B9D1: variants seen among roughly 807,000 people sequenced by gnomAD.
B9D1 encodes the protein B9 domain containing 1.
In B9D1, 20 loss-of-function variants were observed where a neutral mutation model predicts 26.1. The ratio of observed to expected loss-of-function variants is 0.77; its 90% CI spans 0.54 to 1.12. The LOEUF (loss-of-function observed/expected upper bound fraction) is 1.12, where lower values mean the gene tolerates loss of function less well. B9D1 is among the 50% of genes most tolerant of loss of function. The pLI is 0.00. For missense variants in B9D1, 260 were observed against 273.7 expected, an observed-to-expected ratio of 0.95 and a Z score of 0.35; for synonymous variants, 105 against 103.1, an observed-to-expected ratio of 1.02 and a Z score of -0.11.
chr17:19,339,723 C>A (rs1026125453), downstream of B9D1, among the ~76,000 whole-genome samples: 1 of 152,152 alleles, frequency 6.6e-6, no homozygotes, highest in Non-Finnish European at 1.5e-5. Flanking sequence ...CCTTATGATG[C>A]TGCTTTCTTC....
chr17:19,357,793 G>A, intron 3 of B9D1, 47 bp downstream of exon 3: 1 of 1,390,110 alleles, frequency 7.2e-7, no homozygotes, highest in Non-Finnish European at 1.0e-6. Flanking sequence ...TGGGGGTGCT[G>A]TGTGAAAGCT....
upstream of B9D1, among the ~76,000 whole-genome samples, chr17:19,364,953 C>T (rs560685409): frequency 1.8e-3 from 280 of 152,354 alleles, 1 homozygote; most frequent in African/African-American, 6.0e-3. This position sits in a 1 kb window ranked among gnomAD's most constrained non-coding sequence, Gnocchi z 4.3. Context: ...ATGGTGCTGC[C>T]GGGCAGCTGG....
chr17:19,343,826 C>T lies in B9D1; in HGVS notation c.436G>A (p.Asp146Asn), dbSNP rs759829351. ...TCACCCTGAGCCACCACCTTGGGGT[C>T]TGTGTACTCGGGCCGCCGCCCCATG... ...WFMGRRPEYT[D>N]PKVVAQGEGR... Residue 146 changes from aspartate (D) to asparagine (N), a missense_variant, in exon 6 of 7, where the codon GAC becomes AAC. Asp to Asn is a conservative substitution (Grantham distance 23). Coordinates refer to ENST00000261499, the MANE Select transcript of B9D1 (RefSeq NM_015681.6). 6.2e-7 allele frequency: 1 copy of T among 1,614,114 alleles called. No individual in the cohort carries two copies. Among genetic ancestry groups the T allele is most frequent in the East Asian group, 2.2e-5 (1 of 44,880 alleles).
At position 19,354,660 on chromosome 17, in the gene B9D1, T is replaced by C. The variant is rs1254692479; in HGVS notation, c.244+3180A>G. The stretch of plus-strand genomic sequence containing the variant: ...CTGGCCAAAATGGTGAAACCCCATC[T>C]CTACTAAAAATACAAAAATTAGCCA... On this transcript the variant is annotated intron_variant, in intron 3 of 6. Transcript: ENST00000261499. 2.0e-5 allele frequency among the ~76,000 whole-genome samples: 3 copies of C among 152,096 alleles called. No individual in the cohort carries two copies. In the South Asian group the frequency reaches 6.2e-4, roughly 32 times the overall value.
chr17:19,375,498 C>T (rs1912061734), intron 1 of B9D1, among the ~76,000 whole-genome samples: 1 of 152,134 alleles, frequency 6.6e-6, no homozygotes, highest in African/African-American at 2.4e-5. Context: ...TGGCTCATGC[C>T]TGTAATCCCA....
At chr17:19,356,718 T>C (rs776185905) in intron 3 of B9D1, among the ~76,000 whole-genome samples, 6 of 152,208 alleles carry the variant, frequency 3.9e-5, no homozygotes, top group Non-Finnish European at 7.3e-5. Flanking sequence ...GGAGATGGGA[T>C]TGGGGTAACC....
In B9D1 at chr17:19,347,883, T is replaced by C; in HGVS notation, c.245-3A>G. 1 of 1,613,686 alleles carries C rather than the reference T, an allele frequency of 6.2e-7. No homozygotes were observed. Among genetic ancestry groups the C allele is most frequent in the Non-Finnish European group, 8.5e-7 (1 of 1,179,862 alleles). On this transcript the variant is annotated splice_region_variant and splice_polypyrimidine_tract_variant and intron_variant, in intron 3 of 6. Coordinates refer to ENST00000261499, the MANE Select transcript of B9D1 (RefSeq NM_015681.6). The surrounding 1 kb of genome is among the most constrained non-coding windows in gnomAD (Gnocchi z 4.3). ...CACGCTGAGCACGATCTGTGGCCCTTGGGAAGGACAAGGCAGGGGGTGGGC... is the reference window on the plus strand; with the variant it reads ...CACGCTGAGCACGATCTGTGGCCCTCGGGAAGGACAAGGCAGGGGGTGGGC...
At chr17:19,364,844 G>A (rs1694218786), upstream of B9D1, among the ~76,000 whole-genome samples, 1 of 152,226 alleles carries the variant, frequency 6.6e-6, no homozygotes, top group African/African-American at 2.4e-5. This position sits in a 1 kb window ranked among gnomAD's most constrained non-coding sequence, Gnocchi z 4.3. Context: ...AGCACATTGG[G>A]CAGGCGGGGC....
chr17:19,345,096 G>C (rs978958124), intron 5 of B9D1, among the ~76,000 whole-genome samples: 1 of 152,212 alleles, frequency 6.6e-6, no homozygotes, highest in African/African-American at 2.4e-5. Context: ...GGTCCACCCG[G>C]GTGGTCTGCT....
At chr17:19,354,045 T>A (rs1192095383) in intron 3 of B9D1, among the ~76,000 whole-genome samples, 2 of 152,226 alleles carry the variant, frequency 1.3e-5, no homozygotes, top group African/African-American at 4.8e-5. Flanking sequence ...AGCTCAGTAT[T>A]TTTATTATCA....
At chr17:19,365,374 A>G (rs551805974), upstream of B9D1, among the ~76,000 whole-genome samples, 2 of 152,212 alleles carry the variant, frequency 1.3e-5, no homozygotes, top group Non-Finnish European at 2.9e-5. This position sits in a 1 kb window ranked among gnomAD's most constrained non-coding sequence, Gnocchi z 5.0. Flanking sequence ...GCTGGGGGCC[A>G]CCCTCCTGGA....
downstream of B9D1, among the ~76,000 whole-genome samples, chr17:19,342,256 A>T (rs549547140): frequency 1.3e-4 from 20 of 152,296 alleles, no homozygotes; most frequent in Admixed American, 1.3e-3. Flanking sequence ...AATTTTGCTG[A>T]CAACAGACGA....
At chr17:19,366,789 T>C (rs1911613124), upstream of B9D1, among the ~76,000 whole-genome samples, 1 of 152,174 alleles carries the variant, frequency 6.6e-6, no homozygotes. Flanking sequence ...TCACAAATGG[T>C]GCAAAGTCAA....
rs1249327043 is a variant in B9D1, at chr17:19,370,082, A to G, written c.-298+7777T>C. On this transcript the variant is annotated intron_variant, in intron 1 of 5. Coordinates refer to the B9D1 transcript ENST00000477478. The surrounding 1 kb of genome is among the most constrained non-coding windows in gnomAD (Gnocchi z 5.1). ...CCAGACAAGCTAGAGTTGTCACCACACCCTGGACTCAGAGAACTTGGGTAC... is the reference window on the plus strand; with the variant it reads ...CCAGACAAGCTAGAGTTGTCACCACGCCCTGGACTCAGAGAACTTGGGTAC... 6.6e-6 allele frequency among the ~76,000 whole-genome samples: 1 copy of G among 152,118 alleles called. No homozygotes were observed. Among genetic ancestry groups the G allele is most frequent in the Non-Finnish European group, 1.5e-5 (1 of 68,022 alleles).
At chr17:19,335,724 T>G (rs1907387917), downstream of B9D1, 2 of 359,148 alleles carry the variant, frequency 5.6e-6, no homozygotes, top group Non-Finnish European at 9.9e-6. Flanking sequence ...ATTTTGGAGA[T>G]GAAGAAAAAA....
In B9D1 at chr17:19,347,805, T is replaced by G; in HGVS notation, c.320A>C (p.His107Pro). The G allele has an allele frequency of 6.2e-7, 1 of 1,614,082 alleles. No homozygotes were observed. The part of the protein sequence containing the change: ...NDVVRGYGAV[H>P]VPFSPGRHKR... Reference sequence around the variant, plus strand: ...CTACCGGCCAGGTGAGAAGGGCACGTGCACGGCCCCATAGCCTCGAACCAC... The same window carrying G: ...CTACCGGCCAGGTGAGAAGGGCACGGGCACGGCCCCATAGCCTCGAACCAC... The change falls in exon 4 of 7, where the codon CAC becomes CCC. Residue 107 changes from histidine (H) to proline (P), a missense_variant. His to Pro is a moderately conservative substitution (Grantham distance 77). Transcript: ENST00000261499. The surrounding 1 kb of genome is among the most constrained non-coding windows in gnomAD (Gnocchi z 4.3).
chr17:19,343,004 G>T, downstream of B9D1: 1 of 1,048,434 alleles, frequency 9.5e-7, no homozygotes, highest in Non-Finnish European at 1.2e-6. Context: ...TTATGTCAAA[G>T]CTCCCATCCC....
chr17:19,340,453 G>A (rs1309349991), downstream of B9D1, among the ~76,000 whole-genome samples: 2 of 150 alleles, frequency 0.013, no homozygotes, highest in South Asian at 0.17. Context: ...GATTACAGGC[G>A]TCAGCACCAT....
intron 3 of B9D1, among the ~76,000 whole-genome samples, chr17:19,356,872 T>C (rs1024915172): frequency 2.0e-5 from 3 of 152,062 alleles, no homozygotes; most frequent in African/African-American, 7.2e-5. Context: ...CAGGAGGAGG[T>C]TCGTCCAGTA....
Sources: gnomAD v4.1 joint callset for allele counts (sites outside exome capture counted in the v4.1 genomes callset) on GRCh38, gnomAD v4.1.1 for gene constraint, Gnocchi (gnomAD v3.1) non-coding constraint, MANE v1.5 for transcripts, NCBI Gene and HGNC (gene_info 2026-07-23, HGNC 2026-07-21) for gene names.